Variants in TENM3 observed in about 807,000 individuals in gnomAD.
The protein encoded by TENM3 is teneurin-3.
A neutral mutation model predicts 255.1 loss-of-function variants in TENM3; 63 were observed. That is an observed-to-expected ratio of 0.25 (90% CI 0.20 to 0.30). The LOEUF is 0.30. TENM3 is among the 10% of genes least tolerant of loss of function. The pLI is 1.00. For missense variants in TENM3, 2,929 were observed against 3,461.1 expected (o/e 0.85, Z 3.86); for synonymous variants, 1,306 against 1,322.3 (o/e 0.99, Z 0.27).
At chr4:182,426,007 C>CAAAAAAAA (rs55836889) in intron 3 of TENM3, among the ~76,000 whole-genome samples, 7 of 90,722 alleles carry the variant, frequency 7.7e-5, no homozygotes, top group African/African-American at 8.8e-5. Flanking sequence ...GAGTCCATGT[C>CAAAAAAAA]AAAAAAAAAA....
At position 182,637,631 on chromosome 4, in the gene TENM3, C is replaced by T. The variant is rs563166692; in HGVS notation, c.988+8742C>T. The stretch of plus-strand genomic sequence containing the variant: ...AAAAGGAACTGACCATTCATTCATC[C>T]GTCATTCATTCAACATTTATTTATC... On this transcript the variant is annotated intron_variant, in intron 5 of 27. Coordinates refer to ENST00000511685, the MANE Select transcript of TENM3 (RefSeq NM_001080477.4). 1.2e-4 allele frequency among the ~76,000 whole-genome samples: 19 copies of T among 152,266 alleles called. No individual in the cohort carries two copies. The East Asian group carries it at 2.9e-3, about 23-fold the overall frequency.
the TENM3 span, among the ~76,000 whole-genome samples, chr4:181,806,951 C>A: frequency 6.6e-6 from 1 of 152,178 alleles, no homozygotes; most frequent in Non-Finnish European, 1.5e-5. Flanking sequence ...CTGTCTCGCC[C>A]ATCACTGTCA....
the TENM3 span, among the ~76,000 whole-genome samples, chr4:181,487,204 C>T: frequency 8.5e-5 from 13 of 152,224 alleles, no homozygotes; most frequent in African/African-American, 2.9e-4. Context: ...GAAAGTGTGA[C>T]GGATCCAACA....
rs1743189234 is a variant in TENM3 at position 182,561,588 on chromosome 4, A to G, written c.512-39336A>G. Among the ~76,000 whole-genome samples, 7 of 151,980 alleles carry G rather than the reference A, an allele frequency of 4.6e-5. No individual in the cohort carries two copies. The South Asian group carries it at 1.5e-3, about 32-fold the overall frequency. On this transcript the variant is annotated intron_variant, in intron 3 of 27. Coordinates refer to ENST00000511685, the MANE Select transcript of TENM3 (RefSeq NM_001080477.4). ...GTTTGCACTGAAAGTGTAATATTTT[A>G]TGATGAAAACATACAAAAATTTTAA...
chr4:182,023,339 T>C, the TENM3 span, among the ~76,000 whole-genome samples: 16 of 152,234 alleles, frequency 1.1e-4, 1 homozygote, highest in Admixed American at 1.0e-3. Context: ...ATCTTTTATA[T>C]TTGTTAAAGC....
chr4:181,759,866 C>T, the TENM3 span, among the ~76,000 whole-genome samples: 2 of 151,800 alleles, frequency 1.3e-5, no homozygotes, highest in Admixed American at 6.6e-5. Context: ...TGAGGTTTGA[C>T]ATATTAACTC....
chr4:182,664,257 T>G (rs1754461878), intron 6 of TENM3, among the ~76,000 whole-genome samples: 1 of 152,214 alleles, frequency 6.6e-6, no homozygotes, highest in Non-Finnish European at 1.5e-5. Flanking sequence ...TATTTCAAAC[T>G]TTTTCATTAT....
At chr4:182,388,317 GT>G (rs1246347602) in intron 3 of TENM3, among the ~76,000 whole-genome samples, 2 of 151,950 alleles carry the variant, frequency 1.3e-5, no homozygotes, top group Admixed American at 1.3e-4. Context: ...CTATTATGTT[GT>G]TTTTCTAAAA....
intron 3 of TENM3, among the ~76,000 whole-genome samples, chr4:182,432,433 C>A (rs1771731024): frequency 6.6e-6 from 1 of 152,202 alleles, no homozygotes. Flanking sequence ...GCATGATATA[C>A]AACGTTATTC....
chr4:181,839,311 T>C, the TENM3 span, among the ~76,000 whole-genome samples: 1 of 145,688 alleles, frequency 6.9e-6, no homozygotes, highest in Non-Finnish European at 1.5e-5. Flanking sequence ...TCTCTCTGTC[T>C]GTATGGGTGT....
At chr4:182,708,566 G>A (rs149239517) in intron 12 of TENM3, among the ~76,000 whole-genome samples, 3,411 of 152,230 alleles carry the variant, frequency 0.022, 129 homozygotes, top group African/African-American at 0.079. Flanking sequence ...TTGGGAGGCC[G>A]AGGAGGGTGG....
At chr4:182,179,551 G>T (rs1379103542) in intron 1 of TENM3, among the ~76,000 whole-genome samples, 3 of 152,166 alleles carry the variant, frequency 2.0e-5, no homozygotes, top group African/African-American at 7.2e-5. Flanking sequence ...AAAAAGCAGT[G>T]TATCTATTAT....
intron 3 of TENM3, among the ~76,000 whole-genome samples, chr4:182,544,929 G>A (rs1018483818): frequency 6.6e-6 from 1 of 152,174 alleles, no homozygotes; most frequent in Admixed American, 6.5e-5. Flanking sequence ...CTGAACAAGA[G>A]TTAGGGTAGA....
At chr4:182,158,193 A>C (rs1030312731) in intron 1 of TENM3, among the ~76,000 whole-genome samples, 1 of 152,196 alleles carries the variant, frequency 6.6e-6, no homozygotes, top group African/African-American at 2.4e-5. Flanking sequence ...GGTGAAACCT[A>C]GTGTTGCCAG....
chr4:182,031,346 T>C, the TENM3 span, among the ~76,000 whole-genome samples: 1 of 152,140 alleles, frequency 6.6e-6, no homozygotes, highest in South Asian at 2.1e-4. Context: ...TCACGTTTGT[T>C]GAAAATCAGA....
chr4:182,579,126 T>C (rs1745235484), intron 3 of TENM3, among the ~76,000 whole-genome samples: 1 of 152,214 alleles, frequency 6.6e-6, no homozygotes, highest in African/African-American at 2.4e-5. Context: ...CTTAACATTA[T>C]GGATAAATAC....
chr4:181,518,985 A>G, the TENM3 span, among the ~76,000 whole-genome samples: 1 of 152,352 alleles, frequency 6.6e-6, no homozygotes, highest in East Asian at 1.9e-4. Context: ...TTTAGCAGGG[A>G]GATTAATAAA....
At chr4:181,605,610 AAAGAAAAG>A in the TENM3 span, among the ~76,000 whole-genome samples, 2 of 116,274 alleles carry the variant, frequency 1.7e-5, no homozygotes, top group East Asian at 2.6e-4. Context: ...AGAAAGAAAG[AAAGAAAAG>A]AAAGAACAAG....
the TENM3 span, among the ~76,000 whole-genome samples, chr4:181,636,311 G>A: frequency 2.0e-5 from 3 of 152,084 alleles, no homozygotes; most frequent in Non-Finnish European, 2.9e-5. Context: ...CCAAAGTGTT[G>A]GGATTACAGG....
Sources: gnomAD v4.1 joint callset for allele counts (sites outside exome capture counted in the v4.1 genomes callset) on GRCh38, gnomAD v4.1.1 for gene constraint, MANE v1.5 for transcripts, NCBI Gene and HGNC (gene_info 2026-07-23, HGNC 2026-07-21) for gene names.